TRAK1: variants seen among roughly 807,000 people sequenced by gnomAD.
TRAK1 encodes trafficking kinesin protein 1.
Under a neutral mutation model 92.1 loss-of-function variants are expected in TRAK1, and 33 were observed. That is an observed-to-expected ratio of 0.36 (90% confidence interval 0.27 to 0.48). TRAK1 has a LOEUF of 0.48. TRAK1 is among the 20% of genes least tolerant of loss of function. The pLI is 0.99. For synonymous variants in TRAK1, 521 were observed against 517.3 expected (o/e 1.01, Z -0.10); for missense variants, 1,123 against 1,257.9 (o/e 0.89, Z 1.62).
In TRAK1 at chr3:42,200,845, A is replaced by C; in HGVS notation, c.1218A>C (p.Val406=). 1 of 1,614,152 alleles carries C rather than the reference A, an allele frequency of 6.2e-7. No homozygotes were observed. Among genetic ancestry groups the C allele is most frequent in the East Asian group, 2.2e-5 (1 of 44,888 alleles). Residue 406 remains valine (V), a synonymous_variant, in exon 12 of 16, where the codon GTA becomes GTC. Transcript: ENST00000327628. The part of the protein sequence containing the change: ...ITHQKRVFET[V]RNINQVVKQR... ...ACCAGAAGCGTGTCTTTGAGACAGT[A>C]AGAAACATCAACCAGGTTGTCAAGC...
intron 1 of TRAK1, among the ~76,000 whole-genome samples, chr3:42,122,554 G>A (rs1025769792): frequency 1.3e-5 from 2 of 152,162 alleles, no homozygotes; most frequent in Non-Finnish European, 2.9e-5. Flanking sequence ...TACCGACTAG[G>A]TGTCAGCCCT....
At chr3:42,200,547 G>C (rs1241558261) in intron 11 of TRAK1, among the ~76,000 whole-genome samples, 1 of 152,208 alleles carries the variant, frequency 6.6e-6, no homozygotes, top group Non-Finnish European at 1.5e-5. Flanking sequence ...TTAGGGATGT[G>C]AAACACAATT....
intron 2 of TRAK1, among the ~76,000 whole-genome samples, chr3:42,150,510 A>G (rs1296497958): frequency 2.0e-5 from 3 of 152,136 alleles, no homozygotes; most frequent in Non-Finnish European, 2.9e-5. Context: ...TCTGTTCCCC[A>G]GTGATGATAT....
At chr3:42,050,391 T>C (rs1702932885) in intron 1 of TRAK1, among the ~76,000 whole-genome samples, 1 of 152,124 alleles carries the variant, frequency 6.6e-6, no homozygotes, top group African/African-American at 2.4e-5. Flanking sequence ...GTATCAGTGC[T>C]CATTTATATG....
At chr3:42,094,774 A>G (rs117031526) in intron 1 of TRAK1, among the ~76,000 whole-genome samples, 6 of 152,326 alleles carry the variant, frequency 3.9e-5, no homozygotes, top group East Asian at 1.9e-4. Context: ...ATATATCGAA[A>G]TGTATTACAA....
chr3:42,090,550 G>C (rs1038566494), upstream of TRAK1, among the ~76,000 whole-genome samples: 1 of 152,196 alleles, frequency 6.6e-6, no homozygotes, highest in Non-Finnish European at 1.5e-5. Context: ...GCCAGGCATG[G>C]TGACGGACGC....
intron 1 of TRAK1, among the ~76,000 whole-genome samples, chr3:42,111,711 T>TA (rs1047267991): frequency 6.6e-6 from 1 of 152,170 alleles, no homozygotes; most frequent in African/African-American, 2.4e-5. Context: ...ATGGTAATCT[T>TA]ACTAAATTCA....
chr3:42,125,755 A>T lies in TRAK1; in HGVS notation c.286+141A>T, dbSNP rs923777792. On this transcript the variant is annotated intron_variant, in intron 2 of 15. Coordinates refer to ENST00000327628, the MANE Select transcript of TRAK1 (RefSeq NM_001042646.3). ...AAGGTAGTCAAAGAAATGCGGCTGT[A>T]GGGGTTAACCGCACAAAAGGTCCCA... The T allele has an allele frequency of 3.3e-6, 3 of 919,594 alleles. No individual in the cohort carries two copies. In the African/African-American group the frequency reaches 5.0e-5, roughly 15 times the overall value. The allele number at this position is 919,594 out of a possible 1,614,324, so 57.0% of individuals were successfully genotyped here. A position where few individuals can be genotyped will look rare whatever the true frequency, so the allele number is the denominator to read the frequency against.
intron 1 of TRAK1, among the ~76,000 whole-genome samples, chr3:42,050,191 G>T (rs1477890840): frequency 7.2e-6 from 1 of 138,498 alleles, no homozygotes; most frequent in African/African-American, 2.6e-5. Context: ...GGGTGGGGGG[G>T]TGTGAGAGTC....
rs769337319 is a variant in TRAK1 at position 42,189,075 on chromosome 3, A to C, written c.641A>C (p.Gln214Pro). The change falls in exon 6 of 16, where the codon CAA becomes CCA. Residue 214 changes from glutamine (Q) to proline (P), a missense_variant. Around this residue, in one of 3 missense-constraint regions of TRAK1, gnomAD observed 686 missense variants for 747.6 expected, o/e 0.92. Transcript: ENST00000327628. ...VQNYFHLDSL[Q>P]KKLKDLEEEN... is the part of the protein sequence containing the mutation. ...AATTACTTTCATTTGGATTCTCTTC[A>C]AAAGAAGCTGAAAGACCTTGAAGAG... 1 of 1,614,218 alleles carries C rather than the reference A, an allele frequency of 6.2e-7. No individual in the cohort carries two copies. Among genetic ancestry groups the C allele is most frequent in the South Asian group, 1.1e-5 (1 of 91,072 alleles).
intron 2 of TRAK1, among the ~76,000 whole-genome samples, chr3:42,160,016 G>C (rs935077054): frequency 3.3e-5 from 5 of 152,200 alleles, no homozygotes; most frequent in Admixed American, 6.5e-5. Context: ...GAGGGTCTAG[G>C]AGGCCGAGAG....
At chr3:42,130,683 G>C (rs915638943) in intron 2 of TRAK1, among the ~76,000 whole-genome samples, 1 of 152,114 alleles carries the variant, frequency 6.6e-6, no homozygotes, top group Non-Finnish European at 1.5e-5. Context: ...ATCCTACCCT[G>C]AGTTGCTTAC....
At chr3:42,213,599 C>A (rs1416135407) in intron 14 of TRAK1, among the ~76,000 whole-genome samples, 1 of 152,182 alleles carries the variant, frequency 6.6e-6, no homozygotes, top group Non-Finnish European at 1.5e-5. Context: ...GCTGGGTGTT[C>A]CTGCAGCTTT....
rs762672177 is a variant in TRAK1, at chr3:42,018,370, AC to A, written c.-519+4257del. ...GGGAATCCCCAGCATAAGCACATGT[AC>A]CCCAGTTTGGGAATCGTGGAGCTGG... On this transcript the variant is annotated intron_variant, in intron 1 of 16. Coordinates refer to the TRAK1 transcript ENST00000487159. 7.4e-4 allele frequency among the ~76,000 whole-genome samples: 113 copies of A among 152,104 alleles called. 1 individual carries two copies. Among genetic ancestry groups the A allele is most frequent in the Non-Finnish European group, 1.2e-3 (81 of 67,962 alleles).
intron 14 of TRAK1, chr3:42,218,442 G>A: frequency 1.0e-6 from 1 of 984,504 alleles, no homozygotes; most frequent in Middle Eastern, 5.2e-4. Flanking sequence ...CAGGGGCAGA[G>A]GGTGGGGTGG....
chr3:42,106,775 T>C (rs920906865), intron 1 of TRAK1, among the ~76,000 whole-genome samples: 2 of 152,230 alleles, frequency 1.3e-5, no homozygotes, highest in African/African-American at 4.8e-5. Flanking sequence ...AACTGCATAT[T>C]GTCAGACTAA....
Position 42,209,846 on chromosome 3 carries a change from C to A in TRAK1, c.1824C>A (p.Val608=). ...TCCTGGACCCCCGGCCCGGTGTGGT[C>A]ACCAAGGGCTTCCGGACGCTGGATG... The part of the protein sequence containing the change: ...GGILDPRPGV[V]TKGFRTLDVD... Residue 608 remains valine, a synonymous_variant, in exon 14 of 16, where the codon GTC becomes GTA. Transcript: ENST00000327628. 6.2e-7 allele frequency: 1 copy of A among 1,614,232 alleles called. No homozygotes were observed. Among genetic ancestry groups the A allele is most frequent in the South Asian group, 1.1e-5 (1 of 91,066 alleles).
chr3:42,064,181 C>CCGGG (rs1703574659), intron 1 of TRAK1, among the ~76,000 whole-genome samples: 1 of 152,110 alleles, frequency 6.6e-6, no homozygotes, highest in Non-Finnish European at 1.5e-5. Flanking sequence ...ATGCTCGCAG[C>CCGGG]CAGGCGGGCG....
At chr3:42,062,756 C>A (rs924367933) in intron 1 of TRAK1, among the ~76,000 whole-genome samples, 1 of 152,212 alleles carries the variant, frequency 6.6e-6, no homozygotes, top group African/African-American at 2.4e-5. Flanking sequence ...ATATAATTCT[C>A]ATCAGTGAAG....
Sources: allele counts gnomAD v4.1 joint callset (sites outside exome capture counted in the v4.1 genomes callset), GRCh38; gene constraint gnomAD v4.1.1; regional missense constraint gnomAD v4.1.1; transcripts MANE v1.5; gene names NCBI Gene and HGNC (gene_info 2026-07-23, HGNC 2026-07-21).